The following MAP4K5 variants were observed in gnomAD, a reference collection of about 807,000 sequenced individuals.
MAP4K5 encodes the protein mitogen-activated protein kinase kinase kinase kinase 5.
A neutral mutation model predicts 135.6 loss-of-function variants in MAP4K5; 82 were observed. The observed-to-expected ratio is 0.60, with a 90% CI of 0.51 to 0.73. MAP4K5 has a LOEUF of 0.73. Ranked by LOEUF, MAP4K5 falls within the 30% of genes least tolerant of loss-of-function variation. The pLI is 0.00. For synonymous variants in MAP4K5, 347 were observed against 335.0 expected, an observed-to-expected ratio of 1.04 and a Z score of -0.39; for missense variants, 907 against 1,010.9, an observed-to-expected ratio of 0.90 and a Z score of 1.39.
intron 1 of MAP4K5, chr14:50,560,272 A>C: frequency 6.2e-7 from 1 of 1,614,026 alleles, no homozygotes; most frequent in Non-Finnish European, 8.5e-7. Flanking sequence ...CACCATGGCC[A>C]AGAACCGCAG....
At chr14:50,546,540 C>T (rs2081178389) in intron 1 of MAP4K5, among the ~76,000 whole-genome samples, 1 of 152,140 alleles carries the variant, frequency 6.6e-6, no homozygotes. Flanking sequence ...ATTTAGTAAT[C>T]TTTAATAAAC....
At position 50,437,998 on chromosome 14, in the gene MAP4K5, A is replaced by G; in HGVS notation, c.1719T>C (p.Phe573=). The G allele has an allele frequency of 1.9e-6, 3 of 1,593,838 alleles. No homozygotes were observed. The highest frequency in any genetic ancestry group is 2.2e-5 in the East Asian group (1 of 44,722). ...TLMSLSEGKT[F]QLYSHNLIAL... Reference sequence around the variant, plus strand: ...CTATAAGATTGTGAGAGTAGAGCTGAAAGGTTTTTCCTATAAAAGAAAAAC... The same window carrying G: ...CTATAAGATTGTGAGAGTAGAGCTGGAAGGTTTTTCCTATAAAAGAAAAAC... Residue 573 remains phenylalanine (F), a synonymous_variant, in exon 25 of 33, where the codon TTT becomes TTC. Transcript: ENST00000682126.
rs370938887 is a variant in MAP4K5, at chr14:50,418,531, A to G, written c.*1488T>C. On this transcript the variant is annotated 3_prime_UTR_variant, in exon 33 of 33. Transcript: ENST00000682126. ...ATAAATAACTTTATATTCCATTTGT[A>G]TAACATTTTATTGTTTGCGTATTGC... 3 of 152,664 alleles carry G rather than the reference A, an allele frequency of 2.0e-5. No homozygotes were observed. Among genetic ancestry groups the G allele is most frequent in the Admixed American group, 6.5e-5 (1 of 15,288 alleles). The allele number at this position is 152,664 out of a possible 1,614,324, so 9.5% of individuals were successfully genotyped here.
intron 28 of MAP4K5, among the ~76,000 whole-genome samples, chr14:50,432,744 C>CAA (rs959194963): frequency 7.0e-6 from 1 of 142,422 alleles, no homozygotes; most frequent in African/African-American, 2.6e-5. Flanking sequence ...TGCTGATGAG[C>CAA]AAAAAAAAAA....
At chr14:50,526,232 G>A (rs1436778051) in intron 2 of MAP4K5, among the ~76,000 whole-genome samples, 3 of 152,126 alleles carry the variant, frequency 2.0e-5, no homozygotes, top group African/African-American at 7.2e-5. Flanking sequence ...GGCAGAGTTT[G>A]GCATTTCTTC....
At chr14:50,514,379 G>A (rs139955365) in intron 2 of MAP4K5, among the ~76,000 whole-genome samples, 284 of 152,094 alleles carry the variant, frequency 1.9e-3, no homozygotes, top group African/African-American at 5.9e-3. Context: ...CACTAGTCCC[G>A]GCTGAAACAC....
chr14:50,560,150 C>G, intron 1 of MAP4K5: 1 of 1,251,014 alleles, frequency 8.0e-7, no homozygotes, highest in Non-Finnish European at 1.1e-6. Context: ...TCCTCAGAGT[C>G]TGAGCGAACT....
At chr14:50,457,315 A>G (rs1025914599) in intron 13 of MAP4K5, among the ~76,000 whole-genome samples, 6 of 152,182 alleles carry the variant, frequency 3.9e-5, no homozygotes, top group Non-Finnish European at 5.9e-5. Flanking sequence ...TTTAAGAGTT[A>G]TCTATTAAAT....
In MAP4K5 at chr14:50,444,016, T is replaced by C. The variant is rs2036287800; in HGVS notation, c.1360A>G (p.Lys454Glu). 3.7e-6 allele frequency: 6 copies of C among 1,604,074 alleles called. No individual in the cohort carries two copies. The highest frequency in any genetic ancestry group is 1.7e-5 in the Admixed American group (1 of 58,650). The change falls in exon 19 of 33, where the codon AAA becomes GAA. Residue 454 changes from lysine (K) to glutamate (E), a missense_variant. Physicochemically the swap from Lys to Glu is moderately conservative, Grantham distance 56 (BLOSUM62 1). Transcript: ENST00000682126. ...CCTTCTGTATTTTCACTCATCAGTT[T>C]TGAAATACCATCACCATTTCCTAAA... ...SSIGNGDGIS[K>E]LMSENTEGSA...
chr14:50,555,645 A>G (rs1307500237), intron 1 of MAP4K5, among the ~76,000 whole-genome samples: 2 of 152,188 alleles, frequency 1.3e-5, no homozygotes, highest in South Asian at 2.1e-4. Context: ...AGATTATTTC[A>G]TAAGACCAAA....
chr14:50,520,464 G>A (rs1319011024), intron 2 of MAP4K5, among the ~76,000 whole-genome samples: 1 of 152,114 alleles, frequency 6.6e-6, no homozygotes, highest in Non-Finnish European at 1.5e-5. Flanking sequence ...TCATGGCACT[G>A]CATTCCAGCC....
chr14:50,474,054 C>T (rs1369493944), intron 9 of MAP4K5, among the ~76,000 whole-genome samples: 2 of 151,990 alleles, frequency 1.3e-5, no homozygotes, highest in African/African-American at 2.4e-5. Context: ...GTATGAGGTA[C>T]GGAGCTACTT....
intron 2 of MAP4K5, among the ~76,000 whole-genome samples, chr14:50,527,450 G>A (rs938974394): frequency 4.7e-5 from 7 of 149,532 alleles, no homozygotes; most frequent in Non-Finnish European, 1.0e-4. Context: ...AATATTTAAC[G>A]ACTAGGGAAA....
intron 32 of MAP4K5, 126 bp downstream of exon 32, chr14:50,422,993 CAG>C (rs2035766792): frequency 3.8e-6 from 2 of 522,856 alleles, no homozygotes; most frequent in Admixed American, 3.4e-5. Flanking sequence ...AGTAAAGACA[CAG>C]AGAAATGTAT....
chr14:50,440,462 C>T (rs1260499480), intron 21 of MAP4K5, 21 bp from the exon 22 acceptor site: 1 of 1,292,404 alleles, frequency 7.7e-7, no homozygotes, highest in East Asian at 2.5e-5. Flanking sequence ...TGAGATAAAT[C>T]ACCAGAATTT....
At chr14:50,512,484 G>A (rs2037950096) in intron 2 of MAP4K5, among the ~76,000 whole-genome samples, 1 of 152,112 alleles carries the variant, frequency 6.6e-6, no homozygotes, top group African/African-American at 2.4e-5. Context: ...ATTATATGTG[G>A]TTACAGAAGT....
intron 2 of MAP4K5, among the ~76,000 whole-genome samples, chr14:50,508,043 C>A (rs2037850124): frequency 6.6e-6 from 1 of 152,110 alleles, no homozygotes; most frequent in Non-Finnish European, 1.5e-5. Context: ...GTATTGGGTG[C>A]ATATATATTT....
At chr14:50,475,701 T>C (rs1414309127) in intron 8 of MAP4K5, among the ~76,000 whole-genome samples, 2 of 152,056 alleles carry the variant, frequency 1.3e-5, no homozygotes, top group Non-Finnish European at 2.9e-5. Context: ...AGTGAGACCA[T>C]CTCCTTCAAA....
chr14:50,475,315 A>T (rs541035790), intron 8 of MAP4K5, among the ~76,000 whole-genome samples, 166 bp from the exon 9 acceptor site: 1 of 152,340 alleles, frequency 6.6e-6, no homozygotes, highest in Non-Finnish European at 1.5e-5. Flanking sequence ...CAACATACTT[A>T]TTAAAAAAAT....
Sources: allele counts gnomAD v4.1 joint callset (sites outside exome capture counted in the v4.1 genomes callset), GRCh38; gene constraint gnomAD v4.1.1; transcripts MANE v1.5; gene names NCBI Gene and HGNC (gene_info 2026-07-23, HGNC 2026-07-21).